SRGAP1: variants seen among roughly 807,000 people sequenced by gnomAD.
SRGAP1 encodes the protein SLIT-ROBO Rho GTPase-activating protein 1.
SRGAP1 carries 43 observed loss-of-function variants against 121.9 expected under a neutral mutation model. The ratio of observed to expected loss-of-function variants is 0.35; its 90% CI spans 0.28 to 0.46. SRGAP1 has a LOEUF of 0.46. SRGAP1 is among the 20% of genes least tolerant of loss of function. The pLI is 1.00. For missense variants in SRGAP1, 1,102 were observed against 1,350.9 expected (o/e 0.82, Z 2.89); for synonymous variants, 447 against 485.4 (o/e 0.92, Z 1.04).
intron 1 of SRGAP1, among the ~76,000 whole-genome samples, chr12:63,845,838 G>A (rs544439198): frequency 1.3e-3 from 194 of 152,270 alleles, no homozygotes; most frequent in African/African-American, 4.5e-3. Context: ...CACATTCAAT[G>A]CAAAGTTCAT....
At chr12:63,901,527 T>C (rs2029927545) in intron 1 of SRGAP1, among the ~76,000 whole-genome samples, 1 of 152,208 alleles carries the variant, frequency 6.6e-6, no homozygotes, top group Non-Finnish European at 1.5e-5. Context: ...GCCATTTCTT[T>C]CTGGTTGTTC....
At chr12:64,074,809 T>C (rs2035704665) in intron 8 of SRGAP1, among the ~76,000 whole-genome samples, 1 of 152,162 alleles carries the variant, frequency 6.6e-6, no homozygotes, top group Admixed American at 6.5e-5. Context: ...AAATATAAAA[T>C]TTATGGAGAT....
chr12:63,991,440 A>G (rs2033554280), intron 3 of SRGAP1, among the ~76,000 whole-genome samples: 1 of 152,240 alleles, frequency 6.6e-6, no homozygotes, highest in African/African-American at 2.4e-5. Context: ...CTTATGCTCC[A>G]TTAAATAGAA....
chr12:63,919,033 G>A (rs1474963255), intron 1 of SRGAP1, among the ~76,000 whole-genome samples: 2 of 151,790 alleles, frequency 1.3e-5, no homozygotes, highest in African/African-American at 2.4e-5. Context: ...TTTGGGGAGG[G>A]GTGTTTTTTG....
chr12:63,880,203 C>T (rs1046863840), intron 1 of SRGAP1, among the ~76,000 whole-genome samples: 15 of 152,114 alleles, frequency 9.9e-5, no homozygotes, highest in African/African-American at 3.6e-4. Context: ...TGAAGCCTCC[C>T]CAGCCATGTA....
At chr12:64,003,394 C>G (rs953671604) in intron 3 of SRGAP1, among the ~76,000 whole-genome samples, 4 of 142,106 alleles carry the variant, frequency 2.8e-5, no homozygotes, top group African/African-American at 7.9e-5. Context: ...ACCACAAAGA[C>G]TTTTAATAAA....
intron 1 of SRGAP1, among the ~76,000 whole-genome samples, chr12:63,894,333 A>C (rs1397055883): frequency 6.6e-6 from 1 of 151,930 alleles, no homozygotes; most frequent in Non-Finnish European, 1.5e-5. Flanking sequence ...GCTGCTTCTC[A>C]ACATATCACT....
intron 1 of SRGAP1, among the ~76,000 whole-genome samples, chr12:63,946,369 G>T (rs1346583595): frequency 2.7e-5 from 4 of 149,918 alleles, no homozygotes; most frequent in African/African-American, 9.8e-5. Context: ...AATTTGATGA[G>T]TTTTGACATA....
At chr12:63,938,972 T>C (rs1285164811) in intron 1 of SRGAP1, among the ~76,000 whole-genome samples, 1 of 151,370 alleles carries the variant, frequency 6.6e-6, no homozygotes, top group East Asian at 1.9e-4. Context: ...CTGGACAACA[T>C]GGTGAGATCC....
At chr12:64,136,014 A>T (rs1444253907) in intron 21 of SRGAP1, among the ~76,000 whole-genome samples, 1 of 152,232 alleles carries the variant, frequency 6.6e-6, no homozygotes, top group Non-Finnish European at 1.5e-5. Context: ...CTGGGAGGCT[A>T]GGCCAGTCTA....
At chr12:63,967,448 C>T (rs533566750) in intron 1 of SRGAP1, among the ~76,000 whole-genome samples, 1 of 152,158 alleles carries the variant, frequency 6.6e-6, no homozygotes, top group Non-Finnish European at 1.5e-5. Flanking sequence ...TCTCAAAAAG[C>T]GCTTAACTAG....
chr12:63,963,103 G>A (rs569387602), intron 1 of SRGAP1, among the ~76,000 whole-genome samples: 5 of 152,150 alleles, frequency 3.3e-5, no homozygotes, highest in Non-Finnish European at 7.4e-5. Context: ...GGTATATGCC[G>A]TGGAGAGAAA....
intron 4 of SRGAP1, among the ~76,000 whole-genome samples, chr12:64,023,306 GC>G (rs1300081805): frequency 3.3e-5 from 5 of 151,372 alleles, no homozygotes; most frequent in African/African-American, 1.2e-4. Context: ...AAAGTGAAAG[GC>G]AAAAACAGAG....
At chr12:64,054,219 T>C (rs1287630708) in intron 6 of SRGAP1, among the ~76,000 whole-genome samples, 1 of 152,204 alleles carries the variant, frequency 6.6e-6, no homozygotes, top group African/African-American at 2.4e-5. Flanking sequence ...TTTGTTATTA[T>C]AATTATGGAA....
chr12:64,105,300 C>T (rs1468509916), intron 15 of SRGAP1, among the ~76,000 whole-genome samples: 1 of 152,132 alleles, frequency 6.6e-6, no homozygotes, highest in East Asian at 1.9e-4. Flanking sequence ...TTTGTTTATC[C>T]ACTCATCTGT....
intron 1 of SRGAP1, among the ~76,000 whole-genome samples, chr12:63,944,036 C>G (rs2031956116): frequency 6.6e-6 from 1 of 152,112 alleles, no homozygotes; most frequent in Non-Finnish European, 1.5e-5. Flanking sequence ...TGCGGTTGAG[C>G]TCAGCTGGTA....
At chr12:63,849,040 G>A (rs1361411109) in intron 1 of SRGAP1, among the ~76,000 whole-genome samples, 1 of 152,132 alleles carries the variant, frequency 6.6e-6, no homozygotes, top group African/African-American at 2.4e-5. Context: ...GGGACAAAAG[G>A]GGACCCCAGG....
chr12:63,918,032 A>G (rs1257004694), intron 1 of SRGAP1, among the ~76,000 whole-genome samples: 2 of 152,206 alleles, frequency 1.3e-5, no homozygotes, highest in Non-Finnish European at 2.9e-5. Context: ...CCTTAGTCTG[A>G]GCAAACTGTA....
At chr12:64,016,009 A>G (rs551130040) in intron 3 of SRGAP1, among the ~76,000 whole-genome samples, 1 of 152,318 alleles carries the variant, frequency 6.6e-6, no homozygotes, top group Admixed American at 6.5e-5. Context: ...GAATTAGCCT[A>G]GGGAAGGTTA....
Sources: allele counts gnomAD v4.1 joint callset (sites outside exome capture counted in the v4.1 genomes callset), GRCh38; gene constraint gnomAD v4.1.1; transcripts MANE v1.5; gene names NCBI Gene and HGNC (gene_info 2026-07-23, HGNC 2026-07-21).